APOLD1: variants seen among roughly 807,000 people sequenced by gnomAD.
The protein encoded by APOLD1 is apolipoprotein L domain containing 1.
Under a neutral mutation model 15.3 loss-of-function variants are expected in APOLD1, and 22 were observed. The ratio of observed to expected loss-of-function variants is 1.44; its 90% confidence interval spans 1.03 to 2.05. The LOEUF is 2.05. Ranked by LOEUF, APOLD1 falls within the 30% of genes most tolerant of loss-of-function variation. APOLD1 has a pLI of 0.00. For missense variants in APOLD1, 394 were observed against 353.5 expected (o/e 1.11, Z -0.92); for synonymous variants, 190 against 167.4 (o/e 1.13, Z -1.04).
intron 1 of APOLD1, among the ~76,000 whole-genome samples, chr12:12,754,047 T>C (rs1158985942): frequency 6.6e-6 from 1 of 151,370 alleles, no homozygotes; most frequent in Non-Finnish European, 1.5e-5. Context: ...AAACTTTGTC[T>C]GTACTAAAAA....
At chr12:12,742,502 C>T (rs755724451) in intron 1 of APOLD1, among the ~76,000 whole-genome samples, 3 of 152,194 alleles carry the variant, frequency 2.0e-5, no homozygotes, top group South Asian at 2.1e-4. Context: ...CACGGTGGCT[C>T]ACGCCTGTAA....
intron 1 of APOLD1, among the ~76,000 whole-genome samples, chr12:12,775,742 G>A (rs1024405910): frequency 2.0e-5 from 3 of 152,144 alleles, no homozygotes; most frequent in African/African-American, 7.2e-5. Context: ...GCTTATGCCT[G>A]TAATCCCAGC....
chr12:12,739,095 T>C (rs1450175053), intron 1 of APOLD1, among the ~76,000 whole-genome samples: 1 of 152,128 alleles, frequency 6.6e-6, no homozygotes, highest in Non-Finnish European at 1.5e-5. Flanking sequence ...GAGGGGGGTG[T>C]TCTGGAGAAT....
intron 1 of APOLD1, among the ~76,000 whole-genome samples, chr12:12,741,363 C>T (rs942609998): frequency 6.6e-6 from 1 of 152,158 alleles, no homozygotes; most frequent in African/African-American, 2.4e-5. Context: ...TGTGCCACCA[C>T]ACCCAGCTAA....
chr12:12,751,080 C>T (rs780112341), intron 1 of APOLD1, among the ~76,000 whole-genome samples: 52 of 151,872 alleles, frequency 3.4e-4, no homozygotes, highest in African/African-American at 9.9e-4. Context: ...TGAGCCACCA[C>T]GCCTGGCCCC....
At chr12:12,759,448 T>C (rs16908406) in intron 1 of APOLD1, among the ~76,000 whole-genome samples, 20,419 of 152,134 alleles carry the variant, frequency 0.13, 1,879 homozygotes, top group African/African-American at 0.26. Flanking sequence ...CTATAAAGTA[T>C]ATCACTGACT....
At chr12:12,776,026 A>C (rs1221144703) in intron 1 of APOLD1, among the ~76,000 whole-genome samples, 10 of 145,722 alleles carry the variant, frequency 6.9e-5, no homozygotes, top group East Asian at 2.0e-4. Context: ...AAAAAAAAAA[A>C]CACAACAAAC....
intron 1 of APOLD1, among the ~76,000 whole-genome samples, chr12:12,730,075 TGTGAGAGA>T (rs765840169): frequency 0.032 from 1,486 of 45,964 alleles, 10 homozygotes; most frequent in Middle Eastern, 0.057. Flanking sequence ...TGTGTGTGTG[TGTGAGAGA>T]GAGAGAGAGA....
chr12:12,787,526 G>C lies in APOLD1; in HGVS notation c.621G>C (p.Glu207Asp), dbSNP rs775713619. Residue 207 changes from glutamate to aspartate, a missense_variant, in exon 2 of 2, where the codon GAG becomes GAC. Glu to Asp is a conservative substitution (Grantham distance 45). Coordinates refer to ENST00000356591, the MANE Select transcript of APOLD1 (RefSeq NM_030817.3). The surrounding 1 kb of genome is among the most constrained non-coding windows in gnomAD (Gnocchi z 4.9). ...TTCAGAAACTGGCCGAGAGCCTGGA[G>C]TCCTGCACCGGGGCTCTGGACGAAC... ...AKIQKLAESL[E>D]SCTGALDELS... The C allele has an allele frequency of 3.1e-6, 5 of 1,614,000 alleles. No homozygotes were observed. In the South Asian group the frequency reaches 4.4e-5, roughly 14 times the overall value.
chr12:12,742,743 G>A (rs1042713663), intron 1 of APOLD1, among the ~76,000 whole-genome samples: 19 of 142,170 alleles, frequency 1.3e-4, no homozygotes, highest in Admixed American at 8.6e-4. Flanking sequence ...CAGCCTGGGC[G>A]ACAGAGCAAG....
chr12:12,786,914 G>A lies in APOLD1; in HGVS notation c.9G>A (p.Met3Ile). The change falls in exon 2 of 2, where the codon ATG (methionine) becomes ATA (isoleucine). Residue 3 changes from methionine (M) to isoleucine (I), a missense_variant. Transcript: ENST00000356591. The stretch of plus-strand genomic sequence containing the variant: ...GCGTGTCTATGTCCCCGCAGGGAAT[G>A]GAGAGGCCGGCGGCCCGGGAGCCGC... Reference protein sequence around the residue: MGMERPAAREPHG... With the variant: MGIERPAAREPHG... 6.9e-7 allele frequency: 1 copy of A among 1,445,038 alleles called. No individual in the cohort carries two copies. The highest frequency in any genetic ancestry group is 9.0e-7 in the Non-Finnish European group (1 of 1,107,796). The allele number at this position is 1,445,038 out of a possible 1,614,324, so 89.5% of individuals were successfully genotyped here. A position where few individuals can be genotyped will look rare whatever the true frequency, so the allele number is the denominator to read the frequency against.
rs1225226512 is a variant in APOLD1 at position 12,791,032 on chromosome 12, G to A, written c.*3380G>A. On this transcript the variant is annotated 3_prime_UTR_variant, in exon 2 of 2. Transcript: ENST00000356591. ...TTAAGTGCTTCTCTGTTAGGTTCTG[G>A]GGCTTGCAATCATTTGAATTGTTCT... The A allele has an allele frequency of 6.6e-6, 1 of 152,076 alleles. No individual in the cohort carries two copies. The highest frequency in any genetic ancestry group is 2.4e-5 in the African/African-American group (1 of 41,392). The allele number at this position is 152,076 out of a possible 1,614,324, so 9.4% of individuals were successfully genotyped here. A position where few individuals can be genotyped will look rare whatever the true frequency, so the allele number is the denominator to read the frequency against.
intron 1 of APOLD1, among the ~76,000 whole-genome samples, chr12:12,727,901 C>G (rs1163113531): frequency 9.3e-5 from 14 of 151,266 alleles, no homozygotes; most frequent in Admixed American, 9.2e-4. Flanking sequence ...TACCTAGCAT[C>G]TCTGAAACCT....
chr12:12,775,019 A>G (rs1021510368), intron 1 of APOLD1, among the ~76,000 whole-genome samples: 1 of 152,240 alleles, frequency 6.6e-6, no homozygotes, highest in Non-Finnish European at 1.5e-5. Flanking sequence ...CCACAGCTTT[A>G]TTTGTGATTG....
chr12:12,742,742 C>T (rs1483203960), intron 1 of APOLD1, among the ~76,000 whole-genome samples: 1 of 140,616 alleles, frequency 7.1e-6, no homozygotes, highest in South Asian at 2.4e-4. Flanking sequence ...CCAGCCTGGG[C>T]GACAGAGCAA....
intron 1 of APOLD1, among the ~76,000 whole-genome samples, chr12:12,760,775 A>G (rs1185681015): frequency 6.6e-6 from 1 of 152,212 alleles, no homozygotes; most frequent in Non-Finnish European, 1.5e-5. Flanking sequence ...ATATGAATAG[A>G]TCATTTACAT....
chr12:12,732,415 C>T (rs1343989297), intron 1 of APOLD1, among the ~76,000 whole-genome samples: 1 of 152,058 alleles, frequency 6.6e-6, no homozygotes, highest in Non-Finnish European at 1.5e-5. Context: ...TTCAAATATG[C>T]AAAAACAGTT....
At chr12:12,757,903 G>A (rs1022160795) in intron 1 of APOLD1, among the ~76,000 whole-genome samples, 80 of 151,334 alleles carry the variant, frequency 5.3e-4, no homozygotes, top group South Asian at 4.4e-3. Flanking sequence ...CACTTTTGAA[G>A]GATGGAAAGC....
intron 1 of APOLD1, among the ~76,000 whole-genome samples, chr12:12,757,650 C>T (rs1022611958): frequency 4.0e-5 from 6 of 151,366 alleles, no homozygotes; most frequent in East Asian, 1.9e-4. Flanking sequence ...CAAAAGTAAC[C>T]GCTTTCTTGC....
Sources: allele counts gnomAD v4.1 joint callset (sites outside exome capture counted in the v4.1 genomes callset), GRCh38; gene constraint gnomAD v4.1.1; non-coding constraint Gnocchi (gnomAD v3.1); transcripts MANE v1.5; gene names NCBI Gene and HGNC (gene_info 2026-07-23, HGNC 2026-07-21).